Variants in AGMO observed in about 807,000 individuals in gnomAD.
AGMO encodes the protein alkylglycerol monooxygenase, also known as glyceryl-ether monooxygenase.
A neutral mutation model predicts 60.2 loss-of-function variants in AGMO; 75 were observed. The ratio of observed to expected loss-of-function variants is 1.25; its 90% CI spans 1.03 to 1.51. The LOEUF (loss-of-function observed/expected upper bound fraction) is 1.51. AGMO is among the 40% of genes most tolerant of loss of function. The pLI is 0.00. For missense variants in AGMO, 763 were observed against 525.5 expected (o/e 1.45, Z -4.42); for synonymous variants, 261 against 177.1 (o/e 1.47, Z -3.76).
At chr7:15,257,587 T>C (rs995679518) in intron 12 of AGMO, among the ~76,000 whole-genome samples, 2 of 152,160 alleles carry the variant, frequency 1.3e-5, no homozygotes, top group African/African-American at 2.4e-5. Context: ...TGATTAGAAA[T>C]ACAATTGCCT....
At chr7:15,422,463 A>G (rs558778510) in intron 4 of AGMO, among the ~76,000 whole-genome samples, 11 of 152,262 alleles carry the variant, frequency 7.2e-5, no homozygotes, top group Middle Eastern at 6.8e-3. Flanking sequence ...CATTTTCTAT[A>G]AAACTAGAGG....
At chr7:15,367,055 C>G (rs997650940) in intron 10 of AGMO, among the ~76,000 whole-genome samples, 2 of 151,864 alleles carry the variant, frequency 1.3e-5, no homozygotes, top group Non-Finnish European at 2.9e-5. Context: ...TCTTTACATT[C>G]TGTATAAAAA....
At chr7:15,320,875 A>G (rs922830058) in intron 12 of AGMO, among the ~76,000 whole-genome samples, 8 of 152,194 alleles carry the variant, frequency 5.3e-5, no homozygotes, top group African/African-American at 1.4e-4. Flanking sequence ...TTTGGATGGT[A>G]TAACTTTAGT....
At chr7:15,292,682 T>G (rs1784303111) in intron 12 of AGMO, among the ~76,000 whole-genome samples, 1 of 151,420 alleles carries the variant, frequency 6.6e-6, no homozygotes, top group South Asian at 2.1e-4. Flanking sequence ...AATGTAAATA[T>G]TAAGATTTCT....
rs1414964261 is a variant in AGMO at position 15,529,620 on chromosome 7, AAT to A, written c.409+15150_409+15151del. Among the ~76,000 whole-genome samples the A allele has an allele frequency of 3.7e-3, 102 of 27,296 alleles. 13 individuals are homozygous for A. The highest frequency in any genetic ancestry group is 0.021 in the African/African-American group (89 of 4,284). 17.9% of individuals were successfully genotyped at this position (27,296 alleles called of 152,430 possible). ...CTCTATATATAGAGTATATATATAG[AAT>A]ATATATATAGAATATATATATATAC... On this transcript the variant is annotated intron_variant, in intron 3 of 12. Coordinates refer to ENST00000342526, the MANE Select transcript of AGMO (RefSeq NM_001004320.2).
chr7:15,292,738 T>C (rs1784305318), intron 12 of AGMO, among the ~76,000 whole-genome samples: 2 of 143,600 alleles, frequency 1.4e-5, no homozygotes, highest in Non-Finnish European at 3.0e-5. Context: ...TACAGTCTCC[T>C]CCTTTTTTTT....
chr7:15,354,493 C>A (rs1220758272), intron 12 of AGMO, among the ~76,000 whole-genome samples: 1 of 11,902 alleles, frequency 8.4e-5, no homozygotes, highest in Non-Finnish European at 1.6e-4. Context: ...TATATACACA[C>A]GTGTATATAT....
chr7:15,377,945 T>G (rs1783520712), intron 10 of AGMO, among the ~76,000 whole-genome samples: 1 of 152,094 alleles, frequency 6.6e-6, no homozygotes, highest in Non-Finnish European at 1.5e-5. Context: ...AAGAAATTCT[T>G]GGTTTCAAAT....
At chr7:15,396,045 C>T (rs561497009) in intron 5 of AGMO, 2 of 152,218 alleles carry the variant, frequency 1.3e-5, no homozygotes, top group Non-Finnish European at 2.9e-5. Flanking sequence ...TGTTTACCCA[C>T]CTGAAAAGAG....
At chr7:15,492,282 T>G (rs1043354453) in intron 3 of AGMO, among the ~76,000 whole-genome samples, 30 of 147,042 alleles carry the variant, frequency 2.0e-4, no homozygotes, top group African/African-American at 5.6e-4. Context: ...GAGTTAAGAC[T>G]AAGTCCTACT....
At chr7:15,345,438 C>G (rs1330928407) in intron 12 of AGMO, among the ~76,000 whole-genome samples, 1 of 152,152 alleles carries the variant, frequency 6.6e-6, no homozygotes. Flanking sequence ...AAATCATCAC[C>G]TCAGGAAATC....
At chr7:15,217,213 G>C (rs75767243) in intron 12 of AGMO, among the ~76,000 whole-genome samples, 1 of 151,888 alleles carries the variant, frequency 6.6e-6, no homozygotes, top group African/African-American at 2.4e-5. Flanking sequence ...AAATTGTTGG[G>C]GCCCCCAAAG....
intron 4 of AGMO, among the ~76,000 whole-genome samples, chr7:15,428,994 G>A (rs540105844): frequency 1.4e-4 from 22 of 152,052 alleles, no homozygotes; most frequent in African/African-American, 4.8e-4. Flanking sequence ...GAACAGTACC[G>A]ATTTCCTCCA....
In AGMO at chr7:15,319,262, A is replaced by C. The variant is rs78481986; in HGVS notation, c.1263+46252T>G. ...AGGGAAATTAGTGATGTTAGTGTGGAATTACCAGAGTAGGAAATGGGAAAG... is the reference window on the plus strand; with the variant it reads ...AGGGAAATTAGTGATGTTAGTGTGGCATTACCAGAGTAGGAAATGGGAAAG... On this transcript the variant is annotated intron_variant, in intron 12 of 12. Coordinates refer to ENST00000342526, the MANE Select transcript of AGMO (RefSeq NM_001004320.2). 5.7e-3 allele frequency among the ~76,000 whole-genome samples: 864 copies of C among 152,304 alleles called. 5 individuals carry two copies. The highest frequency in any genetic ancestry group is 0.019 in the African/African-American group (789 of 41,578).
At chr7:15,339,728 TAAAGA>T (rs760042795) in intron 12 of AGMO, among the ~76,000 whole-genome samples, 8 of 152,170 alleles carry the variant, frequency 5.3e-5, no homozygotes, top group Non-Finnish European at 7.3e-5. Flanking sequence ...CCTTTATCCT[TAAAGA>T]AAATACCTTA....
intron 5 of AGMO, among the ~76,000 whole-genome samples, chr7:15,417,580 G>C (rs983726962): frequency 1.3e-5 from 2 of 152,136 alleles, no homozygotes; most frequent in Non-Finnish European, 2.9e-5. Context: ...CTTTCAGATG[G>C]TTGTGGTATT....
At chr7:15,205,711 G>C (rs1781422413) in intron 12 of AGMO, among the ~76,000 whole-genome samples, 1 of 152,028 alleles carries the variant, frequency 6.6e-6, no homozygotes, top group Non-Finnish European at 1.5e-5. Context: ...TTACTATTTA[G>C]TGAATTATAT....
At chr7:15,391,014 G>A (rs1038201248) in intron 6 of AGMO, 109 bp from the exon 7 acceptor site, 23 of 658,624 alleles carry the variant, frequency 3.5e-5, no homozygotes, top group Admixed American at 3.0e-4. Flanking sequence ...TTTAAACAGG[G>A]TACAATTTCC....
chr7:15,303,288 A>C (rs952823598), intron 12 of AGMO, among the ~76,000 whole-genome samples: 10 of 152,154 alleles, frequency 6.6e-5, no homozygotes, highest in Non-Finnish European at 1.2e-4. Flanking sequence ...ATTTTAATTA[A>C]ATGTCAGATT....
Sources: allele counts gnomAD v4.1 joint callset (sites outside exome capture counted in the v4.1 genomes callset), GRCh38; gene constraint gnomAD v4.1.1; transcripts MANE v1.5; gene names NCBI Gene and HGNC (gene_info 2026-07-23, HGNC 2026-07-21).